The following KCNQ1 variants were observed in gnomAD, a reference collection of about 807,000 sequenced individuals.
The protein encoded by KCNQ1 is potassium voltage-gated channel subfamily Q member 1.
KCNQ1 carries 49 observed loss-of-function variants against 72.4 expected under a neutral mutation model. That is an observed-to-expected ratio of 0.68 (90% CI 0.54 to 0.86). The LOEUF (loss-of-function observed/expected upper bound fraction) is 0.86. Among genes scored for constraint, KCNQ1 ranks in the 40% least tolerant of loss-of-function variants. KCNQ1 has a pLI of 0.00. For synonymous variants in KCNQ1, 450 were observed against 412.6 expected (o/e 1.09, Z -1.10); for missense variants, 790 against 945.1 (o/e 0.84, Z 2.15).
intron 15 of KCNQ1, among the ~76,000 whole-genome samples, chr11:2,805,264 A>G (rs1250163493): frequency 6.6e-6 from 1 of 152,132 alleles, no homozygotes; most frequent in South Asian, 2.1e-4. Flanking sequence ...GGCTGGGGAG[A>G]GCAAAGGCTG....
rs545999514 is a variant in KCNQ1 at position 2,585,567 on chromosome 11, C to T, written c.1128+260C>T. On this transcript the variant is annotated intron_variant, in intron 8 of 15. Coordinates refer to ENST00000155840, the MANE Select transcript of KCNQ1 (RefSeq NM_000218.3). ...AGAGGAGGCACGGCCGTGGCCATGCCAGGAGTGGACGTGGTTGGCTCTGAG... is the reference window on the plus strand; with the variant it reads ...AGAGGAGGCACGGCCGTGGCCATGCTAGGAGTGGACGTGGTTGGCTCTGAG... Among the ~76,000 whole-genome samples, 10 of 152,364 alleles carry T rather than the reference C, an allele frequency of 6.6e-5. No individual in the cohort carries two copies. In the South Asian group the frequency reaches 2.1e-3, roughly 32 times the overall value.
chr11:2,522,205 G>GC lies in KCNQ1; in HGVS notation c.387-5717dup, dbSNP rs369303724. ...GGGCTCCCCGCTCATGCAGCTCCCC[G>GC]CCCCCCGCATGACCACGCCCTCTTG... On this transcript the variant is annotated intron_variant, in intron 1 of 15. Transcript: ENST00000155840. Among the ~76,000 whole-genome samples, 21 of 151,822 alleles carry GC rather than the reference G, an allele frequency of 1.4e-4. 1 individual carries two copies. Among genetic ancestry groups the GC allele is most frequent in the Non-Finnish European group, 2.2e-4 (15 of 67,876 alleles).
chr11:2,616,427 C>A, intron 10 of KCNQ1: 1 of 397,942 alleles, frequency 2.5e-6, no homozygotes, highest in South Asian at 1.3e-4. Flanking sequence ...TTCATTCTCT[C>A]TTTTAACTTT....
rs1564809770 is a variant in KCNQ1 at position 2,536,542 on chromosome 11, T to C, written c.477+8524T>C. On this transcript the variant is annotated intron_variant, in intron 2 of 15. Coordinates refer to ENST00000155840, the MANE Select transcript of KCNQ1 (RefSeq NM_000218.3). This position sits in a 1 kb window ranked among gnomAD's most constrained non-coding sequence, Gnocchi z 7.4. ...AGCGAGACACTGAGGGTCGGGAGGG[T>C]AACATGTGATTTTGAGGCCACCCGC... 6.6e-6 allele frequency among the ~76,000 whole-genome samples: 1 copy of C among 151,420 alleles called. No homozygotes were observed.
intron 11 of KCNQ1, among the ~76,000 whole-genome samples, chr11:2,702,571 G>A (rs972900199): frequency 2.6e-5 from 4 of 152,190 alleles, no homozygotes; most frequent in Admixed American, 1.3e-4. Context: ...TGTGGGCCTG[G>A]ATGGGGACAT....
Position 2,516,946 on chromosome 11 carries a change from A to T in KCNQ1, c.387-10982A>T, listed in dbSNP as rs1269526208. On this transcript the variant is annotated intron_variant, in intron 1 of 15. Transcript: ENST00000155840. This position sits in a 1 kb window ranked among gnomAD's most constrained non-coding sequence, Gnocchi z 7.0. Reference sequence around the variant, plus strand: ...CCTGGCTGCCCGAGGGTCCCCCAGCACCTGTCCCTCTAGGGCCTCTGAAGG... The same window carrying T: ...CCTGGCTGCCCGAGGGTCCCCCAGCTCCTGTCCCTCTAGGGCCTCTGAAGG... Among the ~76,000 whole-genome samples, 1 of 151,796 alleles carries T rather than the reference A, an allele frequency of 6.6e-6. No homozygotes were observed. The highest frequency in any genetic ancestry group is 1.9e-4 in the East Asian group (1 of 5,156).
intron 15 of KCNQ1, among the ~76,000 whole-genome samples, chr11:2,795,635 C>A: frequency 6.6e-6 from 1 of 152,238 alleles, no homozygotes; most frequent in East Asian, 1.9e-4. Context: ...ATCAGAAGCC[C>A]GCCCCTAATT....
At position 2,669,836 on chromosome 11, in the gene KCNQ1, C is replaced by T. The variant is rs1850149258; in HGVS notation, c.1514+7755C>T. 5.0e-6 allele frequency: 2 copies of T among 398,546 alleles called. No individual in the cohort carries two copies. The highest frequency in any genetic ancestry group is 8.8e-6 in the Non-Finnish European group (2 of 226,088). The allele number at this position is 398,546 out of a possible 1,614,324, so 24.7% of individuals were successfully genotyped here. A position where few individuals can be genotyped will look rare whatever the true frequency, so the allele number is the denominator to read the frequency against. ...TTGAGACTGCCAGGTCATGAGTTAC[C>T]ATGGGATACAAATGGGGTCACAACA... On this transcript the variant is annotated intron_variant, in intron 11 of 15. Transcript: ENST00000155840. This position sits in a 1 kb window ranked among gnomAD's most constrained non-coding sequence, Gnocchi z 5.6.
At position 2,725,939 on chromosome 11, in the gene KCNQ1, C is replaced by A. The variant is rs1029322768; in HGVS notation, c.1515-42905C>A. Among the ~76,000 whole-genome samples, 17 of 152,224 alleles carry A rather than the reference C, an allele frequency of 1.1e-4. No homozygotes were observed. The highest frequency in any genetic ancestry group is 4.1e-4 in the African/African-American group (17 of 41,462). On this transcript the variant is annotated intron_variant, in intron 11 of 15. Transcript: ENST00000155840. This position sits in a 1 kb window ranked among gnomAD's most constrained non-coding sequence, Gnocchi z 7.2. ...TCTGCTGAACTAACTGAAACCCTAA[C>A]CTTCGGGCTTCCCCACTAATTTGTG...
intron 15 of KCNQ1, among the ~76,000 whole-genome samples, chr11:2,836,774 C>A (rs971695752): frequency 6.6e-6 from 1 of 152,256 alleles, no homozygotes; most frequent in Non-Finnish European, 1.5e-5. Context: ...CAGGCAGAAC[C>A]AGGCACGAGC....
rs532163819 is a variant in KCNQ1, at chr11:2,827,886, G to A, written c.1795-19881G>A. ...GCGAGAGCTTTGTTTGGGGTGTGTCGAATTCAAGATGCCTCTGAGACATGG... is the reference window on the plus strand; with the variant it reads ...GCGAGAGCTTTGTTTGGGGTGTGTCAAATTCAAGATGCCTCTGAGACATGG... On this transcript the variant is annotated intron_variant, in intron 15 of 15. Transcript: ENST00000155840. The surrounding 1 kb of genome is among the most constrained non-coding windows in gnomAD (Gnocchi z 6.7). Among the ~76,000 whole-genome samples, 1 of 152,320 alleles carries A rather than the reference G, an allele frequency of 6.6e-6. No homozygotes were observed. Among genetic ancestry groups the A allele is most frequent in the African/African-American group, 2.4e-5 (1 of 41,570 alleles).
In KCNQ1 at chr11:2,847,761, C is replaced by A; in HGVS notation, c.1795-6C>A. 1.3e-6 allele frequency: 2 copies of A among 1,572,904 alleles called. No individual in the cohort carries two copies. Among genetic ancestry groups the A allele is most frequent in the East Asian group, 2.3e-5 (1 of 42,792 alleles). ...CTGACTCTCTCGTCTGCCTTTGTCC[C>A]CGCAGGTGACGCAGCTGGACCAGAG... On this transcript the variant is annotated splice_region_variant and splice_polypyrimidine_tract_variant and intron_variant, in intron 15 of 15. Coordinates refer to ENST00000155840, the MANE Select transcript of KCNQ1 (RefSeq NM_000218.3).
chr11:2,777,664 G>C (rs1021746158), intron 14 of KCNQ1: 4 of 594,852 alleles, frequency 6.7e-6, no homozygotes, highest in Admixed American at 3.0e-5. Flanking sequence ...GTGTCGCCCT[G>C]GGAGTGGAAT....
intron 11 of KCNQ1, among the ~76,000 whole-genome samples, chr11:2,727,456 C>T (rs893276064): frequency 1.3e-5 from 2 of 152,166 alleles, no homozygotes; most frequent in African/African-American, 2.4e-5. Flanking sequence ...GGGGTAGTGT[C>T]CCTGGGGGAA....
intron 2 of KCNQ1, among the ~76,000 whole-genome samples, chr11:2,561,586 G>T (rs1848167725): frequency 1.3e-5 from 2 of 152,222 alleles, no homozygotes; most frequent in African/African-American, 4.8e-5. Flanking sequence ...GCACAGAGAG[G>T]CTGAGCTGCT....
At position 2,715,828 on chromosome 11, in the gene KCNQ1, G is replaced by T. The variant is rs142638766; in HGVS notation, c.1515-53016G>T. ...CCCACATCCCCGCAGCCTTGCGCTG[G>T]TCTAAATGCCTCCCAGCCTCCTGAG... On this transcript the variant is annotated intron_variant, in intron 11 of 15. Coordinates refer to ENST00000155840, the MANE Select transcript of KCNQ1 (RefSeq NM_000218.3). This position sits in a 1 kb window ranked among gnomAD's most constrained non-coding sequence, Gnocchi z 4.9. 6.6e-6 allele frequency among the ~76,000 whole-genome samples: 1 copy of T among 152,242 alleles called. No homozygotes were observed.
chr11:2,668,356 T>G lies in KCNQ1; in HGVS notation c.1514+6275T>G, dbSNP rs1590019934. 2.5e-6 allele frequency: 1 copy of G among 398,612 alleles called. No homozygotes were observed. The highest frequency in any genetic ancestry group is 3.6e-5 in the East Asian group (1 of 28,082). The allele number at this position is 398,612 out of a possible 1,614,324, so 24.7% of individuals were successfully genotyped here. ...AGCTGCAGGGTCCTGGGTGGGCATA[T>G]GTTTACTCTTAGTGAATACTACCCA... On this transcript the variant is annotated intron_variant, in intron 11 of 15. Coordinates refer to ENST00000155840, the MANE Select transcript of KCNQ1 (RefSeq NM_000218.3). The surrounding 1 kb of genome is among the most constrained non-coding windows in gnomAD (Gnocchi z 4.3).
At chr11:2,577,521 G>A (rs1436471155) in intron 6 of KCNQ1, among the ~76,000 whole-genome samples, 3 of 152,220 alleles carry the variant, frequency 2.0e-5, no homozygotes, top group East Asian at 1.9e-4. Flanking sequence ...CCGTGTGTGG[G>A]GCTCCGGGCT....
At chr11:2,650,294 TC>T (rs1849736736) in intron 10 of KCNQ1, 2 of 398,618 alleles carry the variant, frequency 5.0e-6, no homozygotes, top group East Asian at 3.6e-5. Flanking sequence ...ATTATTGTGT[TC>T]TTTTGGCAAG....
Sources: allele counts gnomAD v4.1 joint callset (sites outside exome capture counted in the v4.1 genomes callset), GRCh38; gene constraint gnomAD v4.1.1; non-coding constraint Gnocchi (gnomAD v3.1); transcripts MANE v1.5; gene names NCBI Gene and HGNC (gene_info 2026-07-23, HGNC 2026-07-21).